Variants in SCN10A observed in about 807,000 individuals in gnomAD.
SCN10A encodes the protein sodium voltage-gated channel alpha subunit 10, also known as sodium channel protein type 10 subunit alpha.
A neutral mutation model predicts 170.7 loss-of-function variants in SCN10A; 162 were observed. That is an observed-to-expected ratio of 0.95 (90% confidence interval 0.84 to 1.08). The LOEUF is 1.08. Ranked by LOEUF, SCN10A falls within the 50% of genes least tolerant of loss-of-function variation. SCN10A has a pLI of 0.00. For synonymous variants in SCN10A, 985 were observed against 904.6 expected, an observed-to-expected ratio of 1.09 and a Z score of -1.59; for missense variants, 2,527 against 2,436.9, an observed-to-expected ratio of 1.04 and a Z score of -0.78.
Position 38,728,658 on chromosome 3 carries a change from C to T in SCN10A, c.2524G>A (p.Val842Ile), listed in dbSNP as rs776804111. The change falls in exon 16 of 28, where the codon GTC becomes ATC. Residue 842 changes from valine (V) to isoleucine (I), a missense_variant. Coordinates refer to ENST00000449082, the MANE Select transcript of SCN10A (RefSeq NM_006514.4). Reference protein sequence around the residue: ...MHDFFHSFLIVFRILCGEWIE... With the variant: ...MHDFFHSFLIIFRILCGEWIE... ...CACTCTCCACAGAGGATACGGAAGA[C>T]AATGAGGAAAGAGTGGAAGAAGTCG... 15 of 1,614,186 alleles carry T rather than the reference C, an allele frequency of 9.3e-6. No individual in the cohort carries two copies. In the Admixed American group the frequency reaches 2.5e-4, roughly 27 times the overall value.
chr3:38,771,157 A>T, intron 5 of SCN10A, 122 bp downstream of exon 5: 2 of 1,054,352 alleles, frequency 1.9e-6, no homozygotes, highest in Non-Finnish European at 2.8e-6. Context: ...CTTGGAGCAA[A>T]CGTTCATGGT....
chr3:38,752,491 C>A lies in SCN10A; in HGVS notation c.1483G>T (p.Gly495Ter). ...RRMSFLGLAS[G>*]KRRASHGSVF... is the part of the protein sequence containing the mutation. ...CTGCCATGACTAGCCCGGCGTTTTC[C>A]AGAGGCGAGGCCTAGAAAAGACTGG... Residue 495 changes from glycine (G) to a stop codon, truncating the protein, a stop_gained, in exon 12 of 28, where the codon GGA (glycine) becomes TGA (stop). Coordinates refer to ENST00000449082, the MANE Select transcript of SCN10A (RefSeq NM_006514.4). LOFTEE classifies it high-confidence loss of function. The A allele has an allele frequency of 6.3e-7, 1 of 1,597,460 alleles. No homozygotes were observed. Among genetic ancestry groups the A allele is most frequent in the Non-Finnish European group, 8.5e-7 (1 of 1,170,796 alleles).
At chr3:38,791,981 A>T (rs2126059985) in intron 3 of SCN10A, 69 bp downstream of exon 3, 11 of 1,564,652 alleles carry the variant, frequency 7.0e-6, no homozygotes, top group South Asian at 1.2e-5. Flanking sequence ...TAACCTCTAA[A>T]GAAGGTACTG....
At chr3:38,767,635 T>C (rs2063947732) in intron 5 of SCN10A, among the ~76,000 whole-genome samples, 1 of 152,138 alleles carries the variant, frequency 6.6e-6, no homozygotes, top group Non-Finnish European at 1.5e-5. Context: ...CTTAAATTTA[T>C]TGAGATTTGT....
At position 38,761,340 on chromosome 3, in the gene SCN10A, T is replaced by C; in HGVS notation, c.735A>G (p.Lys245=). Residue 245 remains lysine (K), a synonymous_variant, in exon 7 of 28, where the codon AAA becomes AAG. Coordinates refer to ENST00000449082, the MANE Select transcript of SCN10A (RefSeq NM_006514.4). ...TGGTGAGGATGGTCACATCAGCCAG[T>C]TTCTTCACTGAGTGAATCAGGGCCC... The part of the protein sequence containing the change: ...IVGALIHSVK[K]LADVTILTIF... 2 of 1,613,860 alleles carry C rather than the reference T, an allele frequency of 1.2e-6. No homozygotes were observed. Among genetic ancestry groups the C allele is most frequent in the Non-Finnish European group, 1.7e-6 (2 of 1,179,824 alleles).
At chr3:38,716,716 A>G (rs1023374400) in intron 21 of SCN10A, among the ~76,000 whole-genome samples, 14 of 152,220 alleles carry the variant, frequency 9.2e-5, no homozygotes, top group Non-Finnish European at 1.9e-4. Context: ...CAAGAAAGGA[A>G]AAGTATGAAA....
rs878974920 is a variant in SCN10A, at chr3:38,757,188, C to T, written c.951-29G>A. 12 of 1,560,790 alleles carry T rather than the reference C, an allele frequency of 7.7e-6. No homozygotes were observed. The South Asian group carries it at 1.5e-4, about 19-fold the overall frequency. On this transcript the variant is annotated intron_variant, in intron 8 of 27. Transcript: ENST00000449082. ...CAGCAAGAACAGAGAAGGTCATCCC[C>T]TGCTTATTGCAGACAAGGTAGCCCA...
chr3:38,795,739 T>C (rs2064337459), intron 1 of SCN10A, among the ~76,000 whole-genome samples: 1 of 152,144 alleles, frequency 6.6e-6, no homozygotes, highest in Admixed American at 6.6e-5. Flanking sequence ...TATCTTTTGT[T>C]TTCAGAATAA....
rs1350948140 is a variant in SCN10A, at chr3:38,697,877, A to G, written c.5343T>C (p.Asn1781=). 3 of 1,613,838 alleles carry G rather than the reference A, an allele frequency of 1.9e-6. No individual in the cohort carries two copies. The highest frequency in any genetic ancestry group is 3.3e-5 in the Admixed American group (2 of 59,968). Residue 1781 remains asparagine, a synonymous_variant, in exon 28 of 28, where the codon AAT becomes AAC. Transcript: ENST00000449082. ...GGTCCATCTGGATCAGTATATTTCG[A>G]TTGGGTTTTGGGATTCTCAGGGGAC... ...LSGPLRIPKP[N]RNILIQMDLP...
intron 13 of SCN10A, among the ~76,000 whole-genome samples, chr3:38,744,301 C>A (rs1275999381): frequency 6.6e-6 from 1 of 152,052 alleles, no homozygotes; most frequent in East Asian, 1.9e-4. Flanking sequence ...ATTGCATACA[C>A]ACTTGCAGTG....
intron 19 of SCN10A, among the ~76,000 whole-genome samples, chr3:38,722,785 G>A (rs575221910): frequency 2.2e-4 from 34 of 152,218 alleles, no homozygotes; most frequent in Non-Finnish European, 4.1e-4. Flanking sequence ...GGGCCACGAC[G>A]TGGCTGGGAT....
At chr3:38,735,093 C>T (rs1412539776) in intron 15 of SCN10A, among the ~76,000 whole-genome samples, 3 of 150,484 alleles carry the variant, frequency 2.0e-5, no homozygotes, top group African/African-American at 4.9e-5. Context: ...TGGCGTGAAC[C>T]CGGGAGGTGG....
intron 6 of SCN10A, among the ~76,000 whole-genome samples, chr3:38,763,177 A>C (rs7433352): frequency 0.42 from 63,276 of 152,058 alleles, 13,516 homozygotes; most frequent in Admixed American, 0.51. Context: ...AGGTATAAAT[A>C]AAAATTCAAC....
intron 10 of SCN10A, 84 bp from the exon 11 acceptor site, chr3:38,756,042 G>A: frequency 1.4e-6 from 2 of 1,460,118 alleles, no homozygotes; most frequent in East Asian, 2.3e-5. Context: ...GGGTGCCAGG[G>A]GTGAGAGATC....
intron 11 of SCN10A, among the ~76,000 whole-genome samples, chr3:38,753,021 G>C (rs1559444577): frequency 6.6e-6 from 1 of 152,232 alleles, no homozygotes; most frequent in Non-Finnish European, 1.5e-5. Context: ...ATGAATGTGA[G>C]AGTTTGTGTT....
intron 15 of SCN10A, among the ~76,000 whole-genome samples, chr3:38,738,184 G>A (rs1047858538): frequency 6.6e-6 from 1 of 151,770 alleles, no homozygotes; most frequent in South Asian, 2.1e-4. Flanking sequence ...TGCCTGCCTC[G>A]GCCTCCCAAA....
Position 38,709,401 on chromosome 3 carries a change from G to C in SCN10A, c.4281+77C>G, listed in dbSNP as rs2063246831. On this transcript the variant is annotated intron_variant, in intron 25 of 27. Transcript: ENST00000449082. ...GAGTAGTGTTGGCTTTTGTCAGGAGGCCAGAGCTGGGCAGGGAACAGGAAA... is the reference window on the plus strand; with the variant it reads ...GAGTAGTGTTGGCTTTTGTCAGGAGCCCAGAGCTGGGCAGGGAACAGGAAA... The C allele has an allele frequency of 2.1e-5, 31 of 1,462,342 alleles. No individual in the cohort carries two copies. In the South Asian group the frequency reaches 4.3e-4, roughly 20 times the overall value. The allele number at this position is 1,462,342 out of a possible 1,614,324, so 90.6% of individuals were successfully genotyped here. A position where few individuals can be genotyped will look rare whatever the true frequency, so the allele number is the denominator to read the frequency against.
In SCN10A at chr3:38,697,450, C is replaced by T. The variant is rs1480939511; in HGVS notation, c.5770G>A (p.Val1924Ile). The T allele has an allele frequency of 6.2e-7, 1 of 1,614,182 alleles. No homozygotes were observed. Among genetic ancestry groups the T allele is most frequent in the South Asian group, 1.1e-5 (1 of 91,086 alleles). ...ATSFPPSYES[V>I]TRGLSDRVNM... ...ACTCTATCACTAAGGCCTCTAGTGACACTCTCATAGGACGGTGGGAATGAT... is the reference window on the plus strand; with the variant it reads ...ACTCTATCACTAAGGCCTCTAGTGATACTCTCATAGGACGGTGGGAATGAT... Residue 1924 changes from valine to isoleucine, a missense_variant, in exon 28 of 28, where the codon GTC becomes ATC. Physicochemically the swap from Val to Ile is conservative, Grantham distance 29. Coordinates refer to ENST00000449082, the MANE Select transcript of SCN10A (RefSeq NM_006514.4).
rs1048676042 is a variant in SCN10A at position 38,739,519 on chromosome 3, C to A, written c.2276G>T (p.Arg759Leu). The change falls in exon 15 of 28, where the codon CGC becomes CTC. Residue 759 changes from arginine (R) to leucine (L), a missense_variant. Arg to Leu is a moderately radical substitution (Grantham distance 102, BLOSUM62 -2). Coordinates refer to ENST00000449082, the MANE Select transcript of SCN10A (RefSeq NM_006514.4). Reference protein sequence around the residue: ...KGSLSVLRSFRLLRVFKLAKS... With the variant: ...KGSLSVLRSFLLLRVFKLAKS... ...CCATCAAGAGAAAAACATTACCAAGCGGAAGCTCCGCAGCACAGACAGGCT... is the reference window on the plus strand; with the variant it reads ...CCATCAAGAGAAAAACATTACCAAGAGGAAGCTCCGCAGCACAGACAGGCT... 2 of 1,612,612 alleles carry A rather than the reference C, an allele frequency of 1.2e-6. No homozygotes were observed. The highest frequency in any genetic ancestry group is 1.7e-5 in the Admixed American group (1 of 59,790).
Sources: gnomAD v4.1 joint callset for allele counts (sites outside exome capture counted in the v4.1 genomes callset) on GRCh38, gnomAD v4.1.1 for gene constraint, MANE v1.5 for transcripts, NCBI Gene and HGNC (gene_info 2026-07-23, HGNC 2026-07-21) for gene names.